SMAP2: variants seen among roughly 807,000 people sequenced by gnomAD.
SMAP2 encodes the protein stromal membrane-associated protein 2.
Under a neutral mutation model 56.4 loss-of-function variants are expected in SMAP2, and 25 were observed. The ratio of observed to expected loss-of-function variants is 0.44; its 90% CI spans 0.32 to 0.62. SMAP2 has a LOEUF of 0.62. SMAP2 is among the 20% of genes least tolerant of loss of function. SMAP2 has a pLI of 0.04. For synonymous variants in SMAP2, 157 were observed against 181.7 expected (o/e 0.86, Z 1.09); for missense variants, 388 against 545.6 (o/e 0.71, Z 2.88).
At chr1:40,403,101 C>A (rs1004615467) in intron 1 of SMAP2, among the ~76,000 whole-genome samples, 2 of 152,194 alleles carry the variant, frequency 1.3e-5, no homozygotes, top group African/African-American at 2.4e-5. Flanking sequence ...CTTAAATTTT[C>A]ATGTTGCCTA....
chr1:40,419,366 C>T (rs1160847880), intron 9 of SMAP2, among the ~76,000 whole-genome samples: 3 of 151,518 alleles, frequency 2.0e-5, no homozygotes, highest in East Asian at 1.9e-4. Flanking sequence ...CTGCAACCTC[C>T]GCCTCCTGGG....
chr1:40,405,859 G>A (rs1327005475), intron 1 of SMAP2, among the ~76,000 whole-genome samples: 1 of 152,124 alleles, frequency 6.6e-6, no homozygotes, highest in Non-Finnish European at 1.5e-5. Flanking sequence ...TAACAGTTTT[G>A]AATTAAAATT....
Position 40,400,672 on chromosome 1 carries a change from G to A in SMAP2, c.104-6064G>A, listed in dbSNP as rs555920427. 2.6e-5 allele frequency among the ~76,000 whole-genome samples: 4 copies of A among 152,324 alleles called. No individual in the cohort carries two copies. In the South Asian group the frequency reaches 8.3e-4, roughly 32 times the overall value. ...GATGAAGAAAAAAGGAAGAGATTTT[G>A]TAGCAAGAGATTGAGAGCTTAGTTT... is the stretch of plus-strand genomic sequence containing the variant. On this transcript the variant is annotated intron_variant, in intron 1 of 9. Coordinates refer to ENST00000372718, the MANE Select transcript of SMAP2 (RefSeq NM_022733.3).
chr1:40,391,640 G>C (rs1179180452), intron 1 of SMAP2, among the ~76,000 whole-genome samples: 1 of 152,166 alleles, frequency 6.6e-6, no homozygotes. Context: ...CCTCGTCAAA[G>C]TGGTGGGGTG....
intron 1 of SMAP2, among the ~76,000 whole-genome samples, chr1:40,399,710 A>AAAAG (rs1384293769): frequency 4.4e-5 from 4 of 90,186 alleles, no homozygotes; most frequent in South Asian, 4.1e-4. Context: ...TCAAAAAAAA[A>AAAAG]AAAAGAAAAG....
chr1:40,391,234 A>G (rs958882547), intron 1 of SMAP2, among the ~76,000 whole-genome samples: 11 of 152,238 alleles, frequency 7.2e-5, no homozygotes, highest in African/African-American at 2.7e-4. Flanking sequence ...GGCTGTTTTT[A>G]ATATCAGTTT....
rs146591345 is a variant in SMAP2, at chr1:40,401,254, T to G, written c.104-5482T>G. ...CTCCAGCCTGGGTGACAGAGCGAGATTCCGTCTCAAAACAAACAAACACAC... is the reference window on the plus strand; with the variant it reads ...CTCCAGCCTGGGTGACAGAGCGAGAGTCCGTCTCAAAACAAACAAACACAC... On this transcript the variant is annotated intron_variant, in intron 1 of 9. Coordinates refer to ENST00000372718, the MANE Select transcript of SMAP2 (RefSeq NM_022733.3). Among the ~76,000 whole-genome samples the G allele has an allele frequency of 8.6e-5, 13 of 152,024 alleles. No homozygotes were observed. In the South Asian group the frequency reaches 2.7e-3, roughly 32 times the overall value.
At chr1:40,360,850 T>C (rs1644456929) in intron 1 of SMAP2, among the ~76,000 whole-genome samples, 1 of 152,156 alleles carries the variant, frequency 6.6e-6, no homozygotes, top group Admixed American at 6.5e-5. Flanking sequence ...TTGGAAACAG[T>C]TCACATTAGT....
chr1:40,398,645 T>C (rs1374017580), intron 1 of SMAP2, among the ~76,000 whole-genome samples: 1 of 152,172 alleles, frequency 6.6e-6, no homozygotes, highest in Admixed American at 6.5e-5. Flanking sequence ...GATGAATTCT[T>C]ACAAGTGGGG....
upstream of SMAP2, among the ~76,000 whole-genome samples, chr1:40,372,315 T>C (rs2124194319): frequency 6.6e-6 from 1 of 152,112 alleles, no homozygotes; most frequent in Admixed American, 6.6e-5. Context: ...ACGGGGTACA[T>C]TGGGGGTTGG....
intron 5 of SMAP2, among the ~76,000 whole-genome samples, chr1:40,413,342 T>G (rs2124361625): frequency 6.6e-6 from 1 of 152,298 alleles, no homozygotes; most frequent in Admixed American, 6.5e-5. Flanking sequence ...ATGCATCTGT[T>G]CCATCTAAGC....
upstream of SMAP2, among the ~76,000 whole-genome samples, chr1:40,371,748 T>C (rs1040482901): frequency 2.6e-5 from 4 of 152,214 alleles, no homozygotes; most frequent in Admixed American, 2.0e-4. Context: ...ACGCCAGAAA[T>C]ATTTAGTGAA....
chr1:40,401,607 G>A (rs1218186686), intron 1 of SMAP2, among the ~76,000 whole-genome samples: 1 of 152,158 alleles, frequency 6.6e-6, no homozygotes, highest in Admixed American at 6.5e-5. Context: ...TCTGTCTGCT[G>A]AGTTGTCAAT....
At chr1:40,380,331 T>C (rs1316901012) in intron 1 of SMAP2, among the ~76,000 whole-genome samples, 1 of 152,194 alleles carries the variant, frequency 6.6e-6, no homozygotes, top group Non-Finnish European at 1.5e-5. Flanking sequence ...GATTTCAAAC[T>C]TGTATGAAAG....
At chr1:40,387,935 C>T (rs1192549989) in intron 1 of SMAP2, among the ~76,000 whole-genome samples, 1 of 152,066 alleles carries the variant, frequency 6.6e-6, no homozygotes, top group African/African-American at 2.4e-5. Flanking sequence ...TTGGCGGGCC[C>T]CGCACTTGGA....
rs931254828 is a variant in SMAP2 at position 40,406,332 on chromosome 1, T to G, written c.104-404T>G. On this transcript the variant is annotated intron_variant, in intron 1 of 9. Coordinates refer to ENST00000372718, the MANE Select transcript of SMAP2 (RefSeq NM_022733.3). ...AATTGTACCATGCACAAATGCCCAC[T>G]TATTATATAATTCTTTTTATATTAA... Among the ~76,000 whole-genome samples the G allele has an allele frequency of 9.2e-5, 14 of 152,312 alleles. 1 individual carries two copies. Among genetic ancestry groups the G allele is most frequent in the East Asian group, 5.8e-4 (3 of 5,188 alleles).
At chr1:40,375,040 T>G (rs1644529202) in intron 1 of SMAP2, 1 of 985,402 alleles carries the variant, frequency 1.0e-6, no homozygotes, top group Non-Finnish European at 1.2e-6. Context: ...CATTGTAAAT[T>G]GGCAGAACCA....
rs771778937 is a variant in SMAP2 at position 40,385,429 on chromosome 1, AC to A, written c.103+11207del. On this transcript the variant is annotated intron_variant, in intron 1 of 9. Coordinates refer to ENST00000372718, the MANE Select transcript of SMAP2 (RefSeq NM_022733.3). This position sits in a 1 kb window ranked among gnomAD's most constrained non-coding sequence, Gnocchi z 4.5. ...CTTGGAAAATACTTTTTTAAAAAAA[AC>A]ATTTCAGGTCAAAGCTTCCAAAAAG... Among the ~76,000 whole-genome samples, 5 of 152,176 alleles carry A rather than the reference AC, an allele frequency of 3.3e-5. No individual in the cohort carries two copies. The highest frequency in any genetic ancestry group is 4.8e-5 in the African/African-American group (2 of 41,454).
At chr1:40,410,496 T>C (rs1644925042) in intron 4 of SMAP2, among the ~76,000 whole-genome samples, 2 of 152,046 alleles carry the variant, frequency 1.3e-5, no homozygotes, top group Non-Finnish European at 2.9e-5. Context: ...ATATACTTTT[T>C]TCCTGTAAAT....
Sources: allele counts gnomAD v4.1 joint callset (sites outside exome capture counted in the v4.1 genomes callset), GRCh38; gene constraint gnomAD v4.1.1; non-coding constraint Gnocchi (gnomAD v3.1); transcripts MANE v1.5; gene names NCBI Gene and HGNC (gene_info 2026-07-23, HGNC 2026-07-21).